The following ADAM19 variants were observed in gnomAD, a reference collection of about 807,000 sequenced individuals.
The protein encoded by ADAM19 is ADAM metallopeptidase domain 19, also known as disintegrin and metalloproteinase domain-containing protein 19.
In ADAM19, 65 loss-of-function variants were observed where a neutral mutation model predicts 114.7. The ratio of observed to expected loss-of-function variants is 0.57; its 90% CI spans 0.46 to 0.70. The LOEUF is 0.70. Among genes scored for constraint, ADAM19 ranks in the 30% least tolerant of loss-of-function variants. The probability of loss-of-function intolerance (pLI) is 0.00; values close to 1 mark genes in which losing one functional copy is unlikely to be tolerated. For missense variants in ADAM19, 1,063 were observed against 1,204.7 expected, an observed-to-expected ratio of 0.88 and a Z score of 1.74; for synonymous variants, 466 against 460.5, an observed-to-expected ratio of 1.01 and a Z score of -0.15.
At chr5:157,534,322 G>C (rs893410498) in intron 4 of ADAM19, among the ~76,000 whole-genome samples, 6 of 152,090 alleles carry the variant, frequency 3.9e-5, no homozygotes, top group Admixed American at 3.3e-4. Context: ...ACAAAAATTA[G>C]CCAGGCGTGA....
chr5:157,505,091 C>G (rs369876522), intron 11 of ADAM19, among the ~76,000 whole-genome samples: 1 of 141,760 alleles, frequency 7.1e-6, no homozygotes, highest in African/African-American at 2.7e-5. Flanking sequence ...TGCACTCCAG[C>G]CTGGGCGACA....
At chr5:157,552,181 C>A (rs1581348980) in intron 3 of ADAM19, among the ~76,000 whole-genome samples, 2 of 151,838 alleles carry the variant, frequency 1.3e-5, no homozygotes, top group East Asian at 1.9e-4. Context: ...ACAAAAAAAA[C>A]CGCAATGAGA....
intron 1 of ADAM19, among the ~76,000 whole-genome samples, chr5:157,573,975 T>C (rs1434493689): frequency 6.6e-6 from 1 of 152,228 alleles, no homozygotes; most frequent in Non-Finnish European, 1.5e-5. Flanking sequence ...TTGGCCACAT[T>C]TGTATGAGTC....
chr5:157,523,579 C>T (rs1200811984), intron 5 of ADAM19, among the ~76,000 whole-genome samples: 1 of 152,236 alleles, frequency 6.6e-6, no homozygotes, highest in East Asian at 1.9e-4. Context: ...GATCTCTGCA[C>T]ACACAGGCTC....
intron 5 of ADAM19, among the ~76,000 whole-genome samples, chr5:157,526,585 C>T (rs10039535): frequency 0.11 from 17,000 of 151,776 alleles, 983 homozygotes; most frequent in South Asian, 0.16. Flanking sequence ...AACTTGACAT[C>T]CCCAGTGAGA....
At chr5:157,511,095 A>C (rs1755906241) in intron 8 of ADAM19, among the ~76,000 whole-genome samples, 1 of 152,206 alleles carries the variant, frequency 6.6e-6, no homozygotes, top group Non-Finnish European at 1.5e-5. Flanking sequence ...TACAAATATA[A>C]GCAGGAGGAG....
At chr5:157,501,528 AG>A (rs1477929251) in intron 12 of ADAM19, among the ~76,000 whole-genome samples, 1 of 152,196 alleles carries the variant, frequency 6.6e-6, no homozygotes, top group Non-Finnish European at 1.5e-5. Context: ...GCCCACACTC[AG>A]TGTGCCTGTT....
At position 157,539,840 on chromosome 5, in the gene ADAM19, G is replaced by A. The variant is rs116390332; in HGVS notation, c.252-1849C>T. 6.8e-3 allele frequency among the ~76,000 whole-genome samples: 1,031 copies of A among 152,322 alleles called. 13 individuals carry two copies. The highest frequency in any genetic ancestry group is 0.024 in the African/African-American group (989 of 41,576). On this transcript the variant is annotated intron_variant, in intron 3 of 22. Transcript: ENST00000257527. Reference sequence around the variant, plus strand: ...AGAGGCCAAGCAGTTTTGCTCACTGGTTTATGTCAGTGCTTAACATTTGTT... The same window carrying A: ...AGAGGCCAAGCAGTTTTGCTCACTGATTTATGTCAGTGCTTAACATTTGTT...
intron 10 of ADAM19, among the ~76,000 whole-genome samples, chr5:157,506,774 GC>G (rs1755754238): frequency 6.6e-6 from 1 of 152,028 alleles, no homozygotes; most frequent in African/African-American, 2.4e-5. Flanking sequence ...CTATTTTCCA[GC>G]CCCTGGTTTG....
chr5:157,500,402 G>GT (rs1304577207), intron 12 of ADAM19, among the ~76,000 whole-genome samples: 12 of 152,056 alleles, frequency 7.9e-5, no homozygotes, highest in Admixed American at 5.9e-4. Context: ...TATCCACAGT[G>GT]TTTTTTTACT....
At chr5:157,534,797 G>C (rs530299583) in intron 4 of ADAM19, among the ~76,000 whole-genome samples, 1 of 152,314 alleles carries the variant, frequency 6.6e-6, no homozygotes, top group Non-Finnish European at 1.5e-5. Context: ...TGAAAGAGAG[G>C]TTTTAAGTCA....
At chr5:157,492,370 C>T (rs1329932360) in intron 16 of ADAM19, among the ~76,000 whole-genome samples, 1 of 152,130 alleles carries the variant, frequency 6.6e-6, no homozygotes, top group Non-Finnish European at 1.5e-5. Flanking sequence ...AAACAGCCCA[C>T]AACGCTAAGG....
Position 157,537,899 on chromosome 5 carries a change from T to C in ADAM19, c.330+14A>G. On this transcript the variant is annotated intron_variant, in intron 4 of 22. Transcript: ENST00000257527. ...GGACAGCTGCTGGATAGACATTTGT[T>C]GACCTGAACTCACCTCCAATTTCCG... The C allele has an allele frequency of 6.2e-7, 1 of 1,609,610 alleles. No individual in the cohort carries two copies. Among genetic ancestry groups the C allele is most frequent in the Non-Finnish European group, 8.5e-7 (1 of 1,176,030 alleles).
chr5:157,512,488 T>C (rs1172003433), intron 8 of ADAM19, among the ~76,000 whole-genome samples: 2 of 152,206 alleles, frequency 1.3e-5, no homozygotes, highest in Admixed American at 6.5e-5. Flanking sequence ...TCAAAGAGAC[T>C]TTTGATCCCA....
At chr5:157,503,744 G>A (rs1755643044) in intron 11 of ADAM19, among the ~76,000 whole-genome samples, 1 of 152,194 alleles carries the variant, frequency 6.6e-6, no homozygotes, top group South Asian at 2.1e-4. Context: ...ATTCTCTTGT[G>A]ACAGAGGACC....
chr5:157,490,156 G>C (rs796263911), intron 19 of ADAM19, among the ~76,000 whole-genome samples, 154 bp downstream of exon 19: 10 of 152,300 alleles, frequency 6.6e-5, no homozygotes, highest in African/African-American at 2.4e-4. Context: ...AGTAATGCCT[G>C]TCACAGTCAT....
chr5:157,491,965 G>C (rs1008257440), intron 16 of ADAM19, 53 bp from the exon 17 acceptor site: 25 of 1,587,066 alleles, frequency 1.6e-5, no homozygotes, highest in Non-Finnish European at 2.1e-5. Flanking sequence ...TGCTGGTTGG[G>C]AGTTAGGAGG....
chr5:157,547,807 T>C (rs576987606), intron 3 of ADAM19, among the ~76,000 whole-genome samples: 2 of 152,350 alleles, frequency 1.3e-5, no homozygotes, highest in East Asian at 1.9e-4. Context: ...CTCTTCTCTT[T>C]ATATCAGCTA....
chr5:157,528,691 G>T (rs1350137829), intron 5 of ADAM19, among the ~76,000 whole-genome samples: 1 of 152,168 alleles, frequency 6.6e-6, no homozygotes, highest in Admixed American at 6.5e-5. Flanking sequence ...CCTGCAGTGT[G>T]AGAAACCTTC....
Sources: allele counts gnomAD v4.1 joint callset (sites outside exome capture counted in the v4.1 genomes callset), GRCh38; gene constraint gnomAD v4.1.1; transcripts MANE v1.5; gene names NCBI Gene and HGNC (gene_info 2026-07-23, HGNC 2026-07-21).